NECTIN1: variants seen among roughly 807,000 people sequenced by gnomAD.
The protein encoded by NECTIN1 is nectin cell adhesion molecule 1.
Under a neutral mutation model 48.0 loss-of-function variants are expected in NECTIN1, and 23 were observed. The ratio of observed to expected loss-of-function variants is 0.48; its 90% CI spans 0.34 to 0.68. The LOEUF is 0.68. Ranked by LOEUF, NECTIN1 falls within the 30% of genes least tolerant of loss-of-function variation. The probability of loss-of-function intolerance (pLI) is 0.01; values close to 1 mark genes in which losing one functional copy is unlikely to be tolerated. For synonymous variants in NECTIN1, 270 were observed against 288.9 expected, an observed-to-expected ratio of 0.93 and a Z score of 0.66; for missense variants, 591 against 709.9, an observed-to-expected ratio of 0.83 and a Z score of 1.90.
chr11:119,648,744 C>T (rs761948213), intron 5 of NECTIN1, among the ~76,000 whole-genome samples: 7 of 152,148 alleles, frequency 4.6e-5, no homozygotes, highest in Admixed American at 6.5e-5. Context: ...TTTGTCAGGT[C>T]TCTCCAGCCC....
intron 5 of NECTIN1, among the ~76,000 whole-genome samples, chr11:119,654,821 G>A (rs1425806538): frequency 1.3e-5 from 2 of 151,894 alleles, no homozygotes; most frequent in East Asian, 3.9e-4. Context: ...TGCCCACCTT[G>A]GCCTCCGAAA....
chr11:119,645,557 C>T (rs961302312), intron 5 of NECTIN1, among the ~76,000 whole-genome samples: 2 of 152,200 alleles, frequency 1.3e-5, no homozygotes. Context: ...TCCCTGCACT[C>T]CTGTAGCGTC....
intron 1 of NECTIN1, among the ~76,000 whole-genome samples, chr11:119,681,844 G>A (rs1591462083): frequency 6.6e-6 from 1 of 152,174 alleles, no homozygotes; most frequent in East Asian, 1.9e-4. Flanking sequence ...GGGTGGGGCA[G>A]GGCAGGGAGG....
intron 4 of NECTIN1, 83 bp from the exon 5 acceptor site, chr11:119,675,393 G>GC: frequency 6.9e-7 from 1 of 1,456,636 alleles, no homozygotes; most frequent in East Asian, 2.3e-5. Context: ...TTGGCTCCAG[G>GC]CCCCCTAGCC....
rs573039055 is a variant in NECTIN1 at position 119,639,451 on chromosome 11, GCT to G, written c.1151+412_1151+413del. 2.1e-4 allele frequency: 51 copies of G among 237,984 alleles called. No homozygotes were observed. The East Asian group carries it at 5.3e-3, about 25-fold the overall frequency. 14.7% of individuals were successfully genotyped at this position (237,984 alleles called of 1,614,324 possible). ...TTTATCCTGATGGTTGAGGGTTTTG[GCT>G]CCCCCCATATACTTTGTGCCTCTCT... On this transcript the variant is annotated intron_variant, in intron 6 of 7. Coordinates refer to the NECTIN1 transcript ENST00000341398.
chr11:119,693,073 G>A (rs1400615547), intron 1 of NECTIN1, among the ~76,000 whole-genome samples: 1 of 152,186 alleles, frequency 6.6e-6, no homozygotes, highest in Non-Finnish European at 1.5e-5. Context: ...GACTACAGGG[G>A]CTAGCAACCC....
intron 5 of NECTIN1, among the ~76,000 whole-genome samples, chr11:119,667,868 A>G (rs575373633): frequency 1.3e-5 from 2 of 152,276 alleles, no homozygotes; most frequent in South Asian, 4.2e-4. Context: ...CTGTATCTCC[A>G]CAGCATCTCC....
Position 119,665,615 on chromosome 11 carries a change from C to T in NECTIN1, c.1004-318G>A, listed in dbSNP as rs895984336. 1.3e-5 allele frequency among the ~76,000 whole-genome samples: 2 copies of T among 152,148 alleles called. No individual in the cohort carries two copies. The highest frequency in any genetic ancestry group is 2.4e-5 in the African/African-American group (1 of 41,442). On this transcript the variant is annotated intron_variant, in intron 5 of 5. Coordinates refer to ENST00000264025, the MANE Select transcript of NECTIN1 (RefSeq NM_002855.5). The surrounding 1 kb of genome is among the most constrained non-coding windows in gnomAD (Gnocchi z 5.1). Reference sequence around the variant, plus strand: ...TCCCTATTCATGGTGCAGTGAGACACGTGTGCCAGTTCCAGCTGCAGCACA... The same window carrying T: ...TCCCTATTCATGGTGCAGTGAGACATGTGTGCCAGTTCCAGCTGCAGCACA...
At chr11:119,640,352 A>G (rs1864306163) in intron 5 of NECTIN1, 1 of 365,404 alleles carries the variant, frequency 2.7e-6, no homozygotes, top group African/African-American at 2.1e-5. Context: ...CCTGCAGGGA[A>G]GATTCCTGTT....
In NECTIN1 at chr11:119,728,747, C is replaced by T; in HGVS notation, c.-194G>A. The T allele has an allele frequency of 2.2e-6, 1 of 456,264 alleles. No individual in the cohort carries two copies. Among genetic ancestry groups the T allele is most frequent in the South Asian group, 4.1e-5 (1 of 24,476 alleles). The allele number at this position is 456,264 out of a possible 1,614,324, so 28.3% of individuals were successfully genotyped here. On this transcript the variant is annotated 5_prime_UTR_variant, in exon 1 of 6. Coordinates refer to ENST00000264025, the MANE Select transcript of NECTIN1 (RefSeq NM_002855.5). Reference sequence around the variant, plus strand: ...CCGCAGTCCGGGCCCCGGGCCGCCGCCGGCTCAGAGGCTCGGCAGATGCCC... The same window carrying T: ...CCGCAGTCCGGGCCCCGGGCCGCCGTCGGCTCAGAGGCTCGGCAGATGCCC...
intron 5 of NECTIN1, among the ~76,000 whole-genome samples, chr11:119,645,998 C>G (rs941434183): frequency 1.4e-4 from 21 of 152,192 alleles, no homozygotes; most frequent in Admixed American, 6.5e-5. Context: ...CCTGAGGTGG[C>G]CTTCGGTGGG....
chr11:119,648,343 A>G (rs866816329), intron 5 of NECTIN1, among the ~76,000 whole-genome samples: 130 of 1,200 alleles, frequency 0.11, 2 homozygotes, highest in Non-Finnish European at 0.16. Flanking sequence ...GGTGGTGGTG[A>G]TGCTGGTGGT....
intron 5 of NECTIN1, among the ~76,000 whole-genome samples, chr11:119,646,455 G>A (rs775770567): frequency 1.2e-4 from 18 of 152,228 alleles, no homozygotes; most frequent in African/African-American, 4.1e-4. Flanking sequence ...TCCCCCCTCC[G>A]TAGAATCTCG....
downstream of NECTIN1, among the ~76,000 whole-genome samples, chr11:119,656,895 G>A (rs1421986966): frequency 6.6e-6 from 1 of 152,166 alleles, no homozygotes; most frequent in Non-Finnish European, 1.5e-5. Context: ...CACTCAGAGA[G>A]GGCTATGGGA....
chr11:119,694,935 C>T (rs865992720), intron 1 of NECTIN1, among the ~76,000 whole-genome samples: 27 of 152,114 alleles, frequency 1.8e-4, no homozygotes, highest in African/African-American at 6.3e-4. Context: ...CTTGACTCTC[C>T]TTCTGAAGGT....
At position 119,665,074 on chromosome 11, in the gene NECTIN1, G is replaced by A. The variant is rs368140971; in HGVS notation, c.1227C>T (p.His409=). The A allele has an allele frequency of 7.4e-6, 12 of 1,613,912 alleles. No individual in the cohort carries two copies. In the South Asian group the frequency reaches 1.3e-4, roughly 18 times the overall value. Residue 409 remains histidine, a synonymous_variant, in exon 6 of 6, where the codon CAC becomes CAT. Transcript: ENST00000264025. The surrounding 1 kb of genome is among the most constrained non-coding windows in gnomAD (Gnocchi z 5.1). The stretch of plus-strand genomic sequence containing the variant: ...ACTGCAGGTTCTGTGCCATTGGTGG[G>A]TGGTGCTGGGGGATGCCTGCCTTGC... ...GYSKAGIPQH[H]PPMAQNLQYP...
At chr11:119,645,755 T>C (rs1864389443) in intron 5 of NECTIN1, among the ~76,000 whole-genome samples, 1 of 152,150 alleles carries the variant, frequency 6.6e-6, no homozygotes, top group African/African-American at 2.4e-5. Context: ...GTTGTGGGAC[T>C]CTCCCCTTCC....
At chr11:119,697,628 C>T (rs917190307) in intron 1 of NECTIN1, among the ~76,000 whole-genome samples, 15 of 152,194 alleles carry the variant, frequency 9.9e-5, no homozygotes, top group African/African-American at 3.6e-4. Context: ...GACTGATAGT[C>T]CCATTTTACA....
At chr11:119,712,012 G>A (rs1200692466) in intron 1 of NECTIN1, among the ~76,000 whole-genome samples, 2 of 152,232 alleles carry the variant, frequency 1.3e-5, no homozygotes, top group African/African-American at 2.4e-5. Context: ...GAAGGAGGGA[G>A]CCAGGGCTCC....
Sources: allele counts gnomAD v4.1 joint callset (sites outside exome capture counted in the v4.1 genomes callset), GRCh38; gene constraint gnomAD v4.1.1; non-coding constraint Gnocchi (gnomAD v3.1); transcripts MANE v1.5; gene names NCBI Gene and HGNC (gene_info 2026-07-23, HGNC 2026-07-21).